The following SLC4A10 variants were observed in gnomAD, a reference collection of about 807,000 sequenced individuals.
SLC4A10 encodes sodium-driven chloride bicarbonate exchanger.
SLC4A10 carries 42 observed loss-of-function variants against 137.7 expected under a neutral mutation model. The observed-to-expected ratio is 0.30, with a 90% confidence interval of 0.24 to 0.39. The LOEUF is 0.39. Among genes scored for constraint, SLC4A10 ranks in the 10% least tolerant of loss-of-function variants. SLC4A10 has a pLI of 1.00. For synonymous variants in SLC4A10, 474 were observed against 464.1 expected, an observed-to-expected ratio of 1.02 and a Z score of -0.27; for missense variants, 925 against 1,355.0, an observed-to-expected ratio of 0.68 and a Z score of 4.98.
chr2:161,856,397 A>ACCCC (rs1553595534), intron 5 of SLC4A10, among the ~76,000 whole-genome samples: 3 of 147,892 alleles, frequency 2.0e-5, no homozygotes, highest in Admixed American at 6.8e-5. Flanking sequence ...ACACACACAC[A>ACCCC]CCACACTGCC....
At chr2:161,943,590 A>G (rs1693150990) in intron 16 of SLC4A10, among the ~76,000 whole-genome samples, 1 of 151,932 alleles carries the variant, frequency 6.6e-6, no homozygotes, top group Non-Finnish European at 1.5e-5. Flanking sequence ...CTTGCATTCT[A>G]TGCTTCTGGT....
intron 3 of SLC4A10, among the ~76,000 whole-genome samples, chr2:161,809,707 G>T (rs1353190559): frequency 1.3e-5 from 2 of 151,848 alleles, no homozygotes; most frequent in South Asian, 2.1e-4. Context: ...TTTATTTCTG[G>T]ATTCTCTATT....
chr2:161,690,650 G>C (rs971236859), intron 1 of SLC4A10, among the ~76,000 whole-genome samples: 1 of 152,156 alleles, frequency 6.6e-6, no homozygotes, highest in African/African-American at 2.4e-5. Flanking sequence ...GCATGAACAT[G>C]GATGGAGCAG....
intron 15 of SLC4A10, among the ~76,000 whole-genome samples, chr2:161,922,100 G>T (rs947103342): frequency 4.6e-5 from 7 of 152,138 alleles, no homozygotes; most frequent in African/African-American, 9.7e-5. Context: ...TGACGTAAGT[G>T]CTATCATATA....
intron 1 of SLC4A10, among the ~76,000 whole-genome samples, chr2:161,679,280 G>A (rs992467212): frequency 6.6e-6 from 1 of 152,018 alleles, no homozygotes; most frequent in Non-Finnish European, 1.5e-5. Context: ...ACTTATTGCT[G>A]GCCCATAGTC....
chr2:161,664,041 T>A (rs1251750921), intron 1 of SLC4A10, among the ~76,000 whole-genome samples: 1 of 152,056 alleles, frequency 6.6e-6, no homozygotes, highest in Non-Finnish European at 1.5e-5. Context: ...TGCTTTAGAT[T>A]CACACTGGTG....
intron 4 of SLC4A10, among the ~76,000 whole-genome samples, chr2:161,848,892 G>T (rs1900961): frequency 2.0e-5 from 3 of 151,778 alleles, no homozygotes; most frequent in Non-Finnish European, 2.9e-5. Flanking sequence ...ATGAATTTTA[G>T]AATTTTTTTC....
chr2:161,900,651 A>G (rs1222996281), intron 11 of SLC4A10, among the ~76,000 whole-genome samples: 8 of 152,100 alleles, frequency 5.3e-5, no homozygotes, highest in Non-Finnish European at 8.8e-5. Context: ...GAAAGAATAA[A>G]TAAGTGCCCA....
chr2:161,748,448 G>GTT (rs2048615730), intron 1 of SLC4A10, among the ~76,000 whole-genome samples: 1 of 151,676 alleles, frequency 6.6e-6, no homozygotes, highest in Non-Finnish European at 1.5e-5. Flanking sequence ...GTGTGTGTGT[G>GTT]TGTGTGTGTG....
chr2:161,877,202 T>C (rs928887835), intron 8 of SLC4A10, among the ~76,000 whole-genome samples: 2 of 152,106 alleles, frequency 1.3e-5, no homozygotes, highest in Non-Finnish European at 2.9e-5. Context: ...GTTAAGACAA[T>C]GGCATTTGTC....
intron 11 of SLC4A10, among the ~76,000 whole-genome samples, chr2:161,896,658 C>T (rs2063538263): frequency 1.3e-5 from 2 of 152,050 alleles, no homozygotes; most frequent in Non-Finnish European, 2.9e-5. Context: ...AATGGAAGAA[C>T]ATTCCATGCT....
chr2:161,693,835 G>T (rs1004432514), intron 1 of SLC4A10, among the ~76,000 whole-genome samples: 1 of 151,616 alleles, frequency 6.6e-6, no homozygotes, highest in Non-Finnish European at 1.5e-5. Flanking sequence ...ATATCCTATT[G>T]TCTGTATATA....
chr2:161,832,721 T>TTTGTTG (rs777644926), intron 3 of SLC4A10, among the ~76,000 whole-genome samples: 74 of 151,612 alleles, frequency 4.9e-4, no homozygotes, highest in Admixed American at 2.5e-3. Flanking sequence ...ATTTTCTTTT[T>TTTGTTG]TTGTTGTTGT....
chr2:161,625,464 C>A (rs1364383213), intron 1 of SLC4A10, among the ~76,000 whole-genome samples: 1 of 151,990 alleles, frequency 6.6e-6, no homozygotes, highest in Non-Finnish European at 1.5e-5. Context: ...ACAGTCATAG[C>A]TTCCAGCCAT....
chr2:161,726,155 C>G (rs1234253437), intron 1 of SLC4A10, among the ~76,000 whole-genome samples: 4 of 152,014 alleles, frequency 2.6e-5, no homozygotes, highest in Non-Finnish European at 4.4e-5. Context: ...ATTTCTGAAG[C>G]TCATTGAGGG....
At chr2:161,722,895 G>A (rs904118124) in intron 1 of SLC4A10, among the ~76,000 whole-genome samples, 3 of 152,204 alleles carry the variant, frequency 2.0e-5, no homozygotes, top group African/African-American at 4.8e-5. Context: ...TCACAGGGAT[G>A]CCCTGCCTGG....
intron 1 of SLC4A10, among the ~76,000 whole-genome samples, chr2:161,677,884 A>C (rs2040436953): frequency 6.6e-6 from 1 of 152,190 alleles, no homozygotes; most frequent in African/African-American, 2.4e-5. Context: ...TTACCTTGGC[A>C]GTACAATGTT....
At chr2:161,973,801 C>T (rs1238684159) in intron 23 of SLC4A10, among the ~76,000 whole-genome samples, 2 of 152,186 alleles carry the variant, frequency 1.3e-5, no homozygotes, top group Non-Finnish European at 2.9e-5. Flanking sequence ...ATATTGCTAA[C>T]AAGCCCATCA....
intron 3 of SLC4A10, among the ~76,000 whole-genome samples, chr2:161,831,095 T>A (rs2058406924): frequency 6.6e-6 from 1 of 152,150 alleles, no homozygotes. Flanking sequence ...AGAAGGCTAA[T>A]GTACCTAGAC....
Sources: allele counts gnomAD v4.1 joint callset (sites outside exome capture counted in the v4.1 genomes callset), GRCh38; gene constraint gnomAD v4.1.1; transcripts MANE v1.5; gene names NCBI Gene and HGNC (gene_info 2026-07-23, HGNC 2026-07-21).